TPPP: variants seen among roughly 807,000 people sequenced by gnomAD.
TPPP encodes the protein tubulin polymerization promoting protein.
Under a neutral mutation model 15.5 loss-of-function variants are expected in TPPP, and 6 were observed. The observed-to-expected ratio is 0.39, with a 90% CI of 0.21 to 0.77. The LOEUF is 0.77. Among genes scored for constraint, TPPP ranks in the 30% least tolerant of loss-of-function variants. The pLI is 0.42. For synonymous variants in TPPP, 146 were observed against 133.9 expected (o/e 1.09, Z -0.63); for missense variants, 269 against 307.2 (o/e 0.88, Z 0.93).
In TPPP at chr5:678,586, C is replaced by T. The variant is rs535014853; in HGVS notation, c.-4-522G>A. On this transcript the variant is annotated intron_variant, in intron 1 of 3. Transcript: ENST00000360578. ...CAGTCGTGCGACAGCCGCTCCCTCC[C>T]CACTGCAGAGCCTCTGACCTTAGAT... Among the ~76,000 whole-genome samples the T allele has an allele frequency of 2.1e-3, 287 of 137,338 alleles. 30 individuals are homozygous for T. The highest frequency in any genetic ancestry group is 0.01 in the African/African-American group (278 of 27,508). The allele number at this position is 137,338 out of a possible 152,430, so 90.1% of individuals were successfully genotyped here.
intron 1 of TPPP, among the ~76,000 whole-genome samples, chr5:683,251 T>C (rs547450431): frequency 1.3e-5 from 2 of 151,206 alleles, no homozygotes; most frequent in East Asian, 1.9e-4. Context: ...GATGGCCTCA[T>C]GCAGGCACAG....
At chr5:665,457 C>T in intron 3 of TPPP, 161 bp from the exon 4 acceptor site, 2 of 703,096 alleles carry the variant, frequency 2.8e-6, no homozygotes, top group Non-Finnish European at 4.6e-6. Flanking sequence ...TTTTACCTCT[C>T]CTGACCCTGG....
At chr5:666,167 A>T (rs771622416) in intron 2 of TPPP, 44 bp from the exon 3 acceptor site, 1 of 1,550,618 alleles carries the variant, frequency 6.4e-7, no homozygotes. Flanking sequence ...GGGCCGGCCC[A>T]GGGCTGCCCT....
At chr5:668,459 C>CT (rs141207107) in intron 2 of TPPP, among the ~76,000 whole-genome samples, 27 of 110,286 alleles carry the variant, frequency 2.4e-4, no homozygotes, top group African/African-American at 4.8e-4. Context: ...GACAAGCACA[C>CT]GGAGAGGGGG....
chr5:679,298 C>A (rs1248160367), intron 1 of TPPP, among the ~76,000 whole-genome samples: 1 of 151,970 alleles, frequency 6.6e-6, no homozygotes, highest in Non-Finnish European at 1.5e-5. Flanking sequence ...GGGCCTCAGG[C>A]CCCACCCACT....
rs1739807407 is a variant in TPPP, at chr5:664,337, T to G, written c.*765A>C. ...TCTTCCCAGACCCGCTCTGAGAACA[T>G]AGGCAGCCACCGCATCTTCTCAGGA... On this transcript the variant is annotated 3_prime_UTR_variant, in exon 4 of 4. Coordinates refer to ENST00000360578, the MANE Select transcript of TPPP (RefSeq NM_007030.3). 1 of 152,420 alleles carries G rather than the reference T, an allele frequency of 6.6e-6. No individual in the cohort carries two copies. The allele number at this position is 152,420 out of a possible 1,614,324, so 9.4% of individuals were successfully genotyped here. A position where few individuals can be genotyped will look rare whatever the true frequency, so the allele number is the denominator to read the frequency against.
intron 2 of TPPP, among the ~76,000 whole-genome samples, chr5:668,762 A>G (rs1740064976): frequency 6.6e-6 from 1 of 152,220 alleles, no homozygotes; most frequent in African/African-American, 2.4e-5. Context: ...CGTAGTCACC[A>G]AACCCCAAAC....
intron 1 of TPPP, among the ~76,000 whole-genome samples, chr5:688,771 G>A (rs1221443673): frequency 1.5e-5 from 2 of 130,848 alleles, no homozygotes; most frequent in Admixed American, 7.6e-5. Flanking sequence ...GTGCCACCCC[G>A]CCGAGGGGCA....
chr5:687,236 C>T (rs1288980997), intron 1 of TPPP, among the ~76,000 whole-genome samples: 19 of 141,080 alleles, frequency 1.3e-4, no homozygotes, highest in African/African-American at 3.5e-4. Context: ...TGGGGGAATG[C>T]GTCCCTGTTG....
At chr5:674,526 G>C (rs911871441) in intron 2 of TPPP, among the ~76,000 whole-genome samples, 1 of 152,144 alleles carries the variant, frequency 6.6e-6, no homozygotes, top group African/African-American at 2.4e-5. Flanking sequence ...GGCAGAGTGA[G>C]TTCTGGGCTC....
chr5:683,581 G>C (rs1396051454), intron 1 of TPPP, among the ~76,000 whole-genome samples: 2 of 152,192 alleles, frequency 1.3e-5, no homozygotes, highest in Non-Finnish European at 2.9e-5. Context: ...GGAATCCAAC[G>C]TGCTGTGACT....
Position 677,378 on chromosome 5 carries a change from G to C in TPPP, c.311+372C>G, listed in dbSNP as rs1053294439. Among the ~76,000 whole-genome samples, 18 of 152,182 alleles carry C rather than the reference G, an allele frequency of 1.2e-4. 1 individual carries two copies. Among genetic ancestry groups the C allele is most frequent in the African/African-American group, 4.3e-4 (18 of 41,452 alleles). On this transcript the variant is annotated intron_variant, in intron 2 of 3. Coordinates refer to ENST00000360578, the MANE Select transcript of TPPP (RefSeq NM_007030.3). ...AGCCACTGCCCCCACTCCTGGGGAA[G>C]CCCAGTGATCCCAGTCACAGCTCCC... is the stretch of plus-strand genomic sequence containing the variant.
chr5:696,294 G>A (rs1172059855), upstream of TPPP, among the ~76,000 whole-genome samples: 2 of 125,092 alleles, frequency 1.6e-5, no homozygotes, highest in South Asian at 2.8e-4. Context: ...CAGAGGCACG[G>A]GGAGCGGGGG....
chr5:677,838 T>A lies in TPPP; in HGVS notation c.223A>T (p.Asn75Tyr). 1 of 1,612,492 alleles carries A rather than the reference T, an allele frequency of 6.2e-7. No homozygotes were observed. The change falls in exon 2 of 4, where the codon AAC (asparagine) becomes TAC (tyrosine). Residue 75 changes from asparagine (N) to tyrosine (Y), a missense_variant. Physicochemically the swap from Asn to Tyr is moderately radical, Grantham distance 143. Transcript: ENST00000360578. The stretch of plus-strand genomic sequence containing the variant: ...CAGTCCTTGCACAGCTTCGACCAGT[T>A]CTTGCCGTGCATCTCCCTCCCGGTG... ...RATGREMHGK[N>Y]WSKLCKDCQV...
chr5:672,765 C>T (rs1740268246), intron 2 of TPPP, among the ~76,000 whole-genome samples: 1 of 152,258 alleles, frequency 6.6e-6, no homozygotes, highest in African/African-American at 2.4e-5. Context: ...CACGCTATGC[C>T]TCCATTAATA....
intron 2 of TPPP, among the ~76,000 whole-genome samples, chr5:672,730 C>T (rs1257438188): frequency 3.9e-5 from 6 of 152,246 alleles, no homozygotes; most frequent in Non-Finnish European, 5.9e-5. Context: ...CCACTCCCAC[C>T]GCCCGTGGTC....
chr5:680,569 G>A (rs1021445007), intron 1 of TPPP, among the ~76,000 whole-genome samples: 1 of 149,648 alleles, frequency 6.7e-6, no homozygotes, highest in African/African-American at 2.5e-5. Flanking sequence ...GCGCTTGGGA[G>A]GGCTGAGAAC....
At chr5:688,913 G>C (rs1740835257) in intron 1 of TPPP, among the ~76,000 whole-genome samples, 1 of 118,914 alleles carries the variant, frequency 8.4e-6, no homozygotes, top group Admixed American at 8.3e-5. Flanking sequence ...GCAGGTGGCT[G>C]TGCAGCGGTG....
At chr5:697,898 A>G (rs1343319127), upstream of TPPP, among the ~76,000 whole-genome samples, 1 of 144,810 alleles carries the variant, frequency 6.9e-6, no homozygotes, top group Non-Finnish European at 1.5e-5. Flanking sequence ...AAAACTCCAG[A>G]TCAATATCCC....
Sources: gnomAD v4.1 joint callset for allele counts (sites outside exome capture counted in the v4.1 genomes callset) on GRCh38, gnomAD v4.1.1 for gene constraint, MANE v1.5 for transcripts, NCBI Gene and HGNC (gene_info 2026-07-23, HGNC 2026-07-21) for gene names.